TBPL1: variants seen among roughly 807,000 people sequenced by gnomAD.
TBPL1 encodes the protein TATA-box binding protein like 1.
Under a neutral mutation model 22.1 loss-of-function variants are expected in TBPL1, and 4 were observed. That is an observed-to-expected ratio of 0.18 (90% CI 0.09 to 0.41). TBPL1 has a LOEUF of 0.41. Among genes scored for constraint, TBPL1 ranks in the 10% least tolerant of loss-of-function variants. The probability of loss-of-function intolerance (pLI) is 1.00; values close to 1 mark genes in which losing one functional copy is unlikely to be tolerated. For synonymous variants in TBPL1, 64 were observed against 71.0 expected, an observed-to-expected ratio of 0.90 and a Z score of 0.50; for missense variants, 115 against 222.3, an observed-to-expected ratio of 0.52 and a Z score of 3.07.
Position 133,980,099 on chromosome 6 carries a change from G to A in TBPL1, c.-27G>A, listed in dbSNP as rs1776382457. The A allele has an allele frequency of 2.1e-6, 3 of 1,462,692 alleles. No individual in the cohort carries two copies. Among genetic ancestry groups the A allele is most frequent in the South Asian group, 1.6e-5 (1 of 63,938 alleles). The allele number at this position is 1,462,692 out of a possible 1,614,324, so 90.6% of individuals were successfully genotyped here. ...TTTCTCAGGATGTGATCTTCGTGGTGGAAAGCTAAATTTTAAAACCACCCC... is the reference window on the plus strand; with the variant it reads ...TTTCTCAGGATGTGATCTTCGTGGTAGAAAGCTAAATTTTAAAACCACCCC... On this transcript the variant is annotated 5_prime_UTR_variant, in exon 2 of 7. Coordinates refer to ENST00000237264, the MANE Select transcript of TBPL1 (RefSeq NM_004865.4).
In TBPL1 at chr6:133,990,098, G is replaced by C. The variant is rs185730811; in HGVS notation, c.*3058G>C. The C allele has an allele frequency of 6.0e-4, 92 of 152,742 alleles. 1 individual carries two copies. The highest frequency in any genetic ancestry group is 5.4e-3 in the Admixed American group (83 of 15,294). 9.5% of individuals were successfully genotyped at this position (152,742 alleles called of 1,614,324 possible). On this transcript the variant is annotated 3_prime_UTR_variant, in exon 7 of 7. Transcript: ENST00000237264. ...TGTGTGGGTGAAACCCACGTTGCTGGTACAGGTGGCCATCATAGAAAAGAA... is the reference window on the plus strand; with the variant it reads ...TGTGTGGGTGAAACCCACGTTGCTGCTACAGGTGGCCATCATAGAAAAGAA...
intron 1 of TBPL1, among the ~76,000 whole-genome samples, chr6:133,964,694 C>T (rs993940621): frequency 6.6e-5 from 10 of 152,050 alleles, no homozygotes; most frequent in African/African-American, 2.2e-4. Flanking sequence ...GTGATCCACC[C>T]GCCTCAGCTT....
intron 6 of TBPL1, among the ~76,000 whole-genome samples, chr6:133,986,346 A>G (rs1776522932): frequency 6.6e-6 from 1 of 152,202 alleles, no homozygotes; most frequent in South Asian, 2.1e-4. Context: ...GAAAGATTAC[A>G]TTTTTATAAA....
intron 1 of TBPL1, among the ~76,000 whole-genome samples, chr6:133,955,243 G>C (rs1374665008): frequency 6.7e-6 from 1 of 148,462 alleles, no homozygotes; most frequent in Non-Finnish European, 1.5e-5. Flanking sequence ...CTAGTTTGCC[G>C]TTGTCTGTCT....
intron 1 of TBPL1, among the ~76,000 whole-genome samples, chr6:133,954,344 T>G (rs1481097292): frequency 1.3e-5 from 2 of 152,196 alleles, no homozygotes. Flanking sequence ...GTGTAAGCAA[T>G]GTGGATTCTC....
At chr6:133,971,079 C>G (rs991685957) in intron 1 of TBPL1, among the ~76,000 whole-genome samples, 43 of 152,172 alleles carry the variant, frequency 2.8e-4, no homozygotes, top group African/African-American at 1.0e-3. Context: ...TGACCAACCT[C>G]CGTTCATTCT....
At chr6:133,967,884 G>A (rs1430174021) in intron 1 of TBPL1, among the ~76,000 whole-genome samples, 3 of 152,156 alleles carry the variant, frequency 2.0e-5, no homozygotes, top group Non-Finnish European at 4.4e-5. Context: ...AGGTAAGACA[G>A]CATGTGCGAT....
chr6:133,963,522 T>C (rs1776059342), intron 1 of TBPL1, among the ~76,000 whole-genome samples: 1 of 152,144 alleles, frequency 6.6e-6, no homozygotes, highest in South Asian at 2.1e-4. Flanking sequence ...CCTCCCAGGC[T>C]CAATCCTCTT....
chr6:133,965,862 A>G (rs1407424672), intron 1 of TBPL1, among the ~76,000 whole-genome samples: 1 of 152,210 alleles, frequency 6.6e-6, no homozygotes, highest in Admixed American at 6.5e-5. Flanking sequence ...CTACATTTGA[A>G]TGCTTGTCAT....
intron 1 of TBPL1, among the ~76,000 whole-genome samples, chr6:133,976,998 G>C (rs542099929): frequency 1.5e-3 from 220 of 151,460 alleles, no homozygotes; most frequent in African/African-American, 4.4e-3. Context: ...AAAAGAAATT[G>C]AGATTTGTCT....
At chr6:133,959,542 C>T (rs918740456) in intron 1 of TBPL1, among the ~76,000 whole-genome samples, 5 of 151,966 alleles carry the variant, frequency 3.3e-5, no homozygotes, top group Admixed American at 1.3e-4. Flanking sequence ...AGTGCAGTGG[C>T]GCGATCTCGG....
At chr6:133,956,928 A>G (rs1014991252) in intron 1 of TBPL1, among the ~76,000 whole-genome samples, 17 of 152,252 alleles carry the variant, frequency 1.1e-4, no homozygotes, top group African/African-American at 3.1e-4. Context: ...TCCAGGCTAC[A>G]TAGACAAATT....
rs1339229064 is a variant in TBPL1 at position 133,988,034 on chromosome 6, A to G, written c.*994A>G. 2 of 152,154 alleles carry G rather than the reference A, an allele frequency of 1.3e-5. No individual in the cohort carries two copies. Among genetic ancestry groups the G allele is most frequent in the African/African-American group, 2.4e-5 (1 of 41,440 alleles). The allele number at this position is 152,154 out of a possible 1,614,324, so 9.4% of individuals were successfully genotyped here. On this transcript the variant is annotated 3_prime_UTR_variant, in exon 7 of 7. Coordinates refer to ENST00000237264, the MANE Select transcript of TBPL1 (RefSeq NM_004865.4). The stretch of plus-strand genomic sequence containing the variant: ...TAATCTTGGGTTGATGCCCAAGCCT[A>G]TACTAAGAGTCTTGTCAGAAGTTGG...
intron 1 of TBPL1, among the ~76,000 whole-genome samples, chr6:133,966,061 T>C (rs1325043682): frequency 1.3e-5 from 2 of 152,148 alleles, no homozygotes; most frequent in Non-Finnish European, 2.9e-5. Context: ...CTCTTCAACT[T>C]CAGAGACAGA....
In TBPL1 at chr6:133,988,634, T is replaced by A. The variant is rs770081183; in HGVS notation, c.*1594T>A. 2.0e-5 allele frequency: 3 copies of A among 151,798 alleles called. No individual in the cohort carries two copies. Among genetic ancestry groups the A allele is most frequent in the South Asian group, 2.1e-4 (1 of 4,828 alleles). The allele number at this position is 151,798 out of a possible 1,614,324, so 9.4% of individuals were successfully genotyped here. On this transcript the variant is annotated 3_prime_UTR_variant, in exon 7 of 7. Transcript: ENST00000237264. ...TTTCTTCTCAATGCCTTCCCTAACC[T>A]CCTGCTTATTCCAAAGTGGAAAGCA...
chr6:133,967,892 G>A (rs770842745), intron 1 of TBPL1, among the ~76,000 whole-genome samples: 1 of 152,104 alleles, frequency 6.6e-6, no homozygotes, highest in East Asian at 1.9e-4. Context: ...CAGCATGTGC[G>A]ATCCCAATCT....
rs1008335138 is a variant in TBPL1 at position 133,982,816 on chromosome 6, G to A, written c.219-1G>A. 1 of 1,610,438 alleles carries A rather than the reference G, an allele frequency of 6.2e-7. No individual in the cohort carries two copies. Among genetic ancestry groups the A allele is most frequent in the African/African-American group, 1.3e-5 (1 of 74,638 alleles). On this transcript the variant is annotated splice_acceptor_variant, in intron 3 of 6. Transcript: ENST00000237264. LOFTEE classifies it high-confidence loss of function. ...ATCTTTTTCTTTCCTTAAAACCGTAGTGAAGAAGAAGCTAAATTTGGTGCC... is the reference window on the plus strand; with the variant it reads ...ATCTTTTTCTTTCCTTAAAACCGTAATGAAGAAGAAGCTAAATTTGGTGCC...
At chr6:133,974,954 T>G (rs1175340936) in intron 1 of TBPL1, among the ~76,000 whole-genome samples, 1 of 152,192 alleles carries the variant, frequency 6.6e-6, no homozygotes, top group Non-Finnish European at 1.5e-5. Context: ...CAGTCACACC[T>G]AAGACACTGG....
intron 1 of TBPL1, among the ~76,000 whole-genome samples, chr6:133,954,530 A>G (rs1366214227): frequency 6.6e-6 from 1 of 152,226 alleles, no homozygotes; most frequent in Non-Finnish European, 1.5e-5. Flanking sequence ...TTACCTCTTT[A>G]GTCTTACATC....
Sources: gnomAD v4.1 joint callset for allele counts (sites outside exome capture counted in the v4.1 genomes callset) on GRCh38, gnomAD v4.1.1 for gene constraint, MANE v1.5 for transcripts, NCBI Gene and HGNC (gene_info 2026-07-23, HGNC 2026-07-21) for gene names.